JUP: variants seen among roughly 807,000 people sequenced by gnomAD.
JUP encodes catenin (cadherin-associated protein), gamma 80kDa.
In JUP, 28 loss-of-function variants were observed where a neutral mutation model predicts 71.1. The observed-to-expected ratio is 0.39, with a 90% CI of 0.29 to 0.54. JUP has a LOEUF of 0.54. JUP is among the 20% of genes least tolerant of loss of function. The pLI is 0.62. For synonymous variants in JUP, 401 were observed against 438.9 expected, an observed-to-expected ratio of 0.91 and a Z score of 1.08; for missense variants, 869 against 1,030.1, an observed-to-expected ratio of 0.84 and a Z score of 2.14.
chr17:41,767,465 G>T lies in JUP; in HGVS notation c.823C>A (p.Pro275Thr). 1.2e-6 allele frequency: 2 copies of T among 1,614,092 alleles called. No individual in the cohort carries two copies. The highest frequency in any genetic ancestry group is 1.7e-6 in the Non-Finnish European group (2 of 1,180,002). ...TTGGGGTTGTTCTTGTTGAGCAGGG[G>T]CACCATCTTTTGCAGCCCGTCGGCC... Reference protein sequence around the residue: ...RLADGLQKMVPLLNKNNPKFL... With the variant: ...RLADGLQKMVTLLNKNNPKFL... Residue 275 changes from proline to threonine, a missense_variant, in exon 5 of 14, where the codon CCC (proline) becomes ACC (threonine). Coordinates refer to ENST00000393931, the MANE Select transcript of JUP (RefSeq NM_002230.4).
At chr17:41,779,948 T>C (rs1198105894) in intron 1 of JUP, among the ~76,000 whole-genome samples, 1 of 151,920 alleles carries the variant, frequency 6.6e-6, no homozygotes, top group Non-Finnish European at 1.5e-5. Flanking sequence ...GCGGTTGGGA[T>C]TACAGGTGTA....
chr17:41,759,015 AGACC>A, intron 8 of JUP, 145 bp from the exon 9 acceptor site: 1 of 774,694 alleles, frequency 1.3e-6, no homozygotes, highest in Non-Finnish European at 2.0e-6. Context: ...CCAGAGAAGG[AGACC>A]ATCCCAGCCA....
At chr17:41,760,502 C>A (rs984138107) in intron 8 of JUP, among the ~76,000 whole-genome samples, 3 of 152,180 alleles carry the variant, frequency 2.0e-5, no homozygotes, top group South Asian at 2.1e-4. Context: ...TCGTGATCCA[C>A]ACGCCTCGGC....
In JUP at chr17:41,763,296, A is replaced by G; in HGVS notation, c.1184T>C (p.Ile395Thr). Residue 395 changes from isoleucine to threonine, a missense_variant, in exon 8 of 14, where the codon ATT becomes ACT. Physicochemically the swap from Ile to Thr is moderately conservative, Grantham distance 89. Coordinates refer to ENST00000393931, the MANE Select transcript of JUP (RefSeq NM_002230.4). Reference protein sequence around the residue: ...KQEGLESVLKILVNQLSVDDV... With the variant: ...KQEGLESVLKTLVNQLSVDDV... ...ATCCACACTCAGCTGATTCACCAGA[A>G]TCTTCAGCACACTCTCCAGGCCCTC... 6.2e-7 allele frequency: 1 copy of G among 1,614,134 alleles called. No homozygotes were observed. Among genetic ancestry groups the G allele is most frequent in the African/African-American group, 1.3e-5 (1 of 75,024 alleles).
At chr17:41,756,067 C>A (rs1555597634) in intron 13 of JUP, 108 bp downstream of exon 13, 1 of 1,341,066 alleles carries the variant, frequency 7.5e-7, no homozygotes, top group Non-Finnish European at 1.1e-6. Flanking sequence ...TGCCACACAG[C>A]AGTTGCCACT....
intron 8 of JUP, among the ~76,000 whole-genome samples, chr17:41,760,318 C>T (rs577197517): frequency 1.3e-5 from 2 of 149,714 alleles, no homozygotes; most frequent in African/African-American, 4.9e-5. Flanking sequence ...TGCAGTGGCG[C>T]GATCTCAGCT....
chr17:41,775,157 T>G (rs151078330), intron 1 of JUP, among the ~76,000 whole-genome samples: 1,534 of 150,460 alleles, frequency 0.01, 13 homozygotes, highest in Non-Finnish European at 0.017. Flanking sequence ...GCCACAAACT[T>G]GCTGGGTGTC....
chr17:41,771,838 A>G lies in JUP; in HGVS notation c.17T>C (p.Leu6Pro). The G allele has an allele frequency of 6.2e-7, 1 of 1,612,972 alleles. No homozygotes were observed. The highest frequency in any genetic ancestry group is 8.5e-7 in the Non-Finnish European group (1 of 1,179,496). The change falls in exon 2 of 14, where the codon CTG becomes CCG. Residue 6 changes from leucine (L) to proline (P), a missense_variant. By Grantham distance (98) the Leu-to-Pro change is moderately conservative. Transcript: ENST00000393931. ...AGTCACCTTGATAGGCTGCTCCATC[A>G]GGTTCATCACCTCCATCGTGGCTAC... is the stretch of plus-strand genomic sequence containing the variant. MEVMN[L>P]MEQPIKVTEW... is the part of the protein sequence containing the mutation.
chr17:41,765,818 C>T (rs1597810931), intron 5 of JUP, among the ~76,000 whole-genome samples: 3 of 152,188 alleles, frequency 2.0e-5, no homozygotes. Context: ...TGGGGAAAAG[C>T]CTAGAAGTGT....
chr17:41,779,961 C>T (rs1263726512), intron 1 of JUP, among the ~76,000 whole-genome samples: 1 of 152,072 alleles, frequency 6.6e-6, no homozygotes, highest in Non-Finnish European at 1.5e-5. Flanking sequence ...CAGGTGTAAG[C>T]CACTGCCCCA....
In JUP at chr17:41,765,027, T is replaced by G. The variant is rs782509792; in HGVS notation, c.950A>C (p.Gln317Pro). ...LANGGPQALV[Q>P]IMRNYSYEKL... ...TTCATAACTGTAGTTACGCATGATC[T>G]GCACGAGGGCCTGGGGCCCACCATT... Residue 317 changes from glutamine to proline, a missense_variant, in exon 6 of 14, where the codon CAG (glutamine) becomes CCG (proline). By Grantham distance (76) the Gln-to-Pro change is moderately conservative. Transcript: ENST00000393931. The G allele has an allele frequency of 2.2e-5, 36 of 1,614,120 alleles. 1 individual carries two copies. In the South Asian group the frequency reaches 3.6e-4, roughly 16 times the overall value.
chr17:41,785,308 G>T (rs983845824), intron 1 of JUP, among the ~76,000 whole-genome samples: 1 of 152,056 alleles, frequency 6.6e-6, no homozygotes, highest in African/African-American at 2.4e-5. Flanking sequence ...CCTCAGTTTG[G>T]CCCAGCCCTG....
chr17:41,768,186 G>A (rs1177685128), intron 4 of JUP, among the ~76,000 whole-genome samples: 2 of 152,136 alleles, frequency 1.3e-5, no homozygotes, highest in African/African-American at 4.8e-5. Context: ...ATCACCTGAG[G>A]TCAGGAGTTC....
At chr17:41,772,979 C>T (rs1049782782) in intron 1 of JUP, 2 of 985,442 alleles carry the variant, frequency 2.0e-6, no homozygotes, top group African/African-American at 3.5e-5. Context: ...CGAGCCAGAC[C>T]TTTCACAGAC....
chr17:41,758,922 T>A, intron 8 of JUP, 52 bp from the exon 9 acceptor site: 1 of 1,530,190 alleles, frequency 6.5e-7, no homozygotes, highest in South Asian at 1.2e-5. Context: ...ATCTGAAGGA[T>A]CCCAGCTTCC....
chr17:41,770,054 G>A (rs1916411203), intron 2 of JUP, among the ~76,000 whole-genome samples: 2 of 152,012 alleles, frequency 1.3e-5, no homozygotes, highest in Non-Finnish European at 2.9e-5. Flanking sequence ...GGCACAGAGG[G>A]GTTATAAGGC....
chr17:41,777,452 T>G (rs1286429538), intron 1 of JUP, among the ~76,000 whole-genome samples: 19 of 152,350 alleles, frequency 1.2e-4, no homozygotes, highest in Non-Finnish European at 2.8e-4. Context: ...ATGGCTTCCC[T>G]TGAGGGCCTG....
chr17:41,757,736 G>A lies in JUP; in HGVS notation c.1822C>T (p.Leu608=), dbSNP rs782661058. The stretch of plus-strand genomic sequence containing the variant: ...TCCTTGTCCTGGGCCAGCTCACACA[G>A]CACCCCGGCAGCCACGCGCTGGATG... ...ENIQRVAAGV[L]CELAQDKEAA... Residue 608 remains leucine (L), a synonymous_variant, in exon 11 of 14, where the codon CTG becomes TTG. Coordinates refer to ENST00000393931, the MANE Select transcript of JUP (RefSeq NM_002230.4). 1.2e-6 allele frequency: 2 copies of A among 1,612,880 alleles called. No individual in the cohort carries two copies. The highest frequency in any genetic ancestry group is 1.1e-5 in the South Asian group (1 of 90,972).
chr17:41,785,321 C>G (rs1264062480), intron 1 of JUP, among the ~76,000 whole-genome samples: 2 of 152,098 alleles, frequency 1.3e-5, no homozygotes, highest in African/African-American at 2.4e-5. Flanking sequence ...CAGCCCTGCC[C>G]CACCCCCATT....
Sources: allele counts gnomAD v4.1 joint callset (sites outside exome capture counted in the v4.1 genomes callset), GRCh38; gene constraint gnomAD v4.1.1; transcripts MANE v1.5; gene names NCBI Gene and HGNC (gene_info 2026-07-23, HGNC 2026-07-21).